The following SLIT3 variants were observed in gnomAD, a reference collection of about 807,000 sequenced individuals.
SLIT3 encodes the protein slit guidance ligand 3.
A neutral mutation model predicts 184.0 loss-of-function variants in SLIT3; 68 were observed. That is an observed-to-expected ratio of 0.37 (90% confidence interval 0.30 to 0.45). SLIT3 has a LOEUF of 0.45. Among genes scored for constraint, SLIT3 ranks in the 20% least tolerant of loss-of-function variants. The pLI is 1.00. For synonymous variants in SLIT3, 831 were observed against 828.6 expected (o/e 1.00, Z -0.05); for missense variants, 1,707 against 2,026.0 (o/e 0.84, Z 3.02).
intron 4 of SLIT3, among the ~76,000 whole-genome samples, chr5:169,148,620 C>T (rs952894914): frequency 1.3e-5 from 2 of 152,162 alleles, no homozygotes; most frequent in Admixed American, 6.6e-5. Flanking sequence ...TTTCTTTGCA[C>T]GTTGTTCTGT....
At chr5:169,132,336 T>C (rs867295638) in intron 4 of SLIT3, among the ~76,000 whole-genome samples, 7 of 152,144 alleles carry the variant, frequency 4.6e-5, no homozygotes, top group African/African-American at 7.2e-5. Context: ...AAAGAAGGCA[T>C]GCCAAGTCTG....
In SLIT3 at chr5:168,664,424, CA is replaced by C. The variant is rs1053738215; in HGVS notation, c.*2029del. 34 of 152,236 alleles carry C rather than the reference CA, an allele frequency of 2.2e-4. No homozygotes were observed. Among genetic ancestry groups the C allele is most frequent in the African/African-American group, 8.2e-4 (34 of 41,444 alleles). The allele number at this position is 152,236 out of a possible 1,614,324, so 9.4% of individuals were successfully genotyped here. On this transcript the variant is annotated 3_prime_UTR_variant, in exon 36 of 36. Transcript: ENST00000519560. ...CCATCATAAGGCACAGTACCTGGAA[CA>C]TAATGGAGATTTACATGCACATTTT... is the stretch of plus-strand genomic sequence containing the variant.
chr5:169,042,762 A>C (rs1721292759), intron 4 of SLIT3, among the ~76,000 whole-genome samples: 1 of 152,212 alleles, frequency 6.6e-6, no homozygotes, highest in Non-Finnish European at 1.5e-5. Flanking sequence ...TTTTTTAAGT[A>C]GAGGTAAGAG....
At chr5:168,921,096 G>A (rs895986527) in intron 4 of SLIT3, among the ~76,000 whole-genome samples, 8 of 152,154 alleles carry the variant, frequency 5.3e-5, no homozygotes, top group South Asian at 2.1e-4. Flanking sequence ...CCTCAAAATC[G>A]GTATTTGGAC....
intron 4 of SLIT3, among the ~76,000 whole-genome samples, chr5:168,884,303 C>T (rs918096255): frequency 6.6e-5 from 10 of 151,142 alleles, no homozygotes; most frequent in African/African-American, 1.9e-4. Flanking sequence ...TCCCGCACAG[C>T]CACAGGCTGC....
At chr5:169,234,085 T>C (rs1385612878) in intron 3 of SLIT3, among the ~76,000 whole-genome samples, 2 of 152,242 alleles carry the variant, frequency 1.3e-5, no homozygotes, top group African/African-American at 4.8e-5. Context: ...TTCTTATTTC[T>C]TCTGTTAATG....
intron 2 of SLIT3, among the ~76,000 whole-genome samples, chr5:169,245,393 A>G (rs749281196): frequency 2.0e-5 from 3 of 152,190 alleles, no homozygotes; most frequent in South Asian, 2.1e-4. Context: ...AACACTCTGT[A>G]TAAGTGAGTC....
At chr5:169,111,814 A>G (rs1235177235) in intron 4 of SLIT3, among the ~76,000 whole-genome samples, 1 of 152,220 alleles carries the variant, frequency 6.6e-6, no homozygotes, top group Non-Finnish European at 1.5e-5. Flanking sequence ...GGTTGATGTG[A>G]CCAGTGTGTA....
intron 4 of SLIT3, among the ~76,000 whole-genome samples, chr5:169,168,625 C>G (rs1762718923): frequency 6.6e-6 from 1 of 152,138 alleles, no homozygotes; most frequent in South Asian, 2.1e-4. Flanking sequence ...AAAACCAAAC[C>G]AAACCGAATC....
At chr5:169,290,810 G>A (rs1368476895) in intron 1 of SLIT3, among the ~76,000 whole-genome samples, 1 of 151,558 alleles carries the variant, frequency 6.6e-6, no homozygotes, top group Non-Finnish European at 1.5e-5. Context: ...ATACACTGGG[G>A]CACATGCTAT....
chr5:169,299,132 G>C (rs1767600207), intron 1 of SLIT3, among the ~76,000 whole-genome samples: 1 of 152,122 alleles, frequency 6.6e-6, no homozygotes. Flanking sequence ...TCCAAGCCTG[G>C]TTTTCGACAT....
At chr5:169,133,174 T>A (rs888688) in intron 4 of SLIT3, among the ~76,000 whole-genome samples, 1 of 152,140 alleles carries the variant, frequency 6.6e-6, no homozygotes, top group South Asian at 2.1e-4. Context: ...TTTCTACCTG[T>A]AGGCAGGAAC....
intron 4 of SLIT3, among the ~76,000 whole-genome samples, chr5:169,006,621 A>T (rs1417084611): frequency 1.3e-5 from 2 of 151,398 alleles, no homozygotes; most frequent in East Asian, 1.9e-4. Flanking sequence ...ACACACACAC[A>T]CACACACACA....
intron 4 of SLIT3, among the ~76,000 whole-genome samples, chr5:168,972,754 T>TTA (rs1216442735): frequency 6.6e-6 from 1 of 152,188 alleles, no homozygotes; most frequent in Non-Finnish European, 1.5e-5. Flanking sequence ...TTTGCCTGTT[T>TTA]TAACTCAGAG....
chr5:169,086,550 C>A (rs1022972827), intron 4 of SLIT3, among the ~76,000 whole-genome samples: 1 of 152,158 alleles, frequency 6.6e-6, no homozygotes, highest in African/African-American at 2.4e-5. Flanking sequence ...ACATTAGAAC[C>A]ATTCAGAGAT....
intron 4 of SLIT3, among the ~76,000 whole-genome samples, chr5:168,998,068 A>G (rs1755574856): frequency 6.6e-6 from 1 of 152,108 alleles, no homozygotes; most frequent in Non-Finnish European, 1.5e-5. Context: ...TCTCAATAAT[A>G]AACTGTGGGA....
intron 4 of SLIT3, among the ~76,000 whole-genome samples, chr5:169,125,081 C>G (rs1042970846): frequency 6.6e-6 from 1 of 151,990 alleles, no homozygotes; most frequent in Non-Finnish European, 1.5e-5. Context: ...TGGAGTTTCA[C>G]TCTGTCGCCA....
At chr5:168,910,114 AG>A (rs761099828) in intron 4 of SLIT3, among the ~76,000 whole-genome samples, 8 of 152,232 alleles carry the variant, frequency 5.3e-5, no homozygotes, top group Non-Finnish European at 1.0e-4. Flanking sequence ...GCTTCTTAAA[AG>A]AATTGTCTTC....
intron 1 of SLIT3, among the ~76,000 whole-genome samples, chr5:169,271,201 C>T (rs916476872): frequency 2.0e-5 from 3 of 152,118 alleles, no homozygotes; most frequent in African/African-American, 4.8e-5. Flanking sequence ...ATGGAGGCAG[C>T]AGGTCCTGTG....
Sources: allele counts gnomAD v4.1 joint callset (sites outside exome capture counted in the v4.1 genomes callset), GRCh38; gene constraint gnomAD v4.1.1; transcripts MANE v1.5; gene names NCBI Gene and HGNC (gene_info 2026-07-23, HGNC 2026-07-21).